The following SPATA22 variants were observed in gnomAD, a reference collection of about 807,000 sequenced individuals.
SPATA22 encodes spermatogenesis-associated protein 22.
In SPATA22, 29 loss-of-function variants were observed where a neutral mutation model predicts 47.8. The observed-to-expected ratio is 0.61, with a 90% CI of 0.45 to 0.83. The LOEUF (loss-of-function observed/expected upper bound fraction) is 0.83, where lower values mean the gene tolerates loss of function less well. SPATA22 is among the 40% of genes least tolerant of loss of function. SPATA22 has a pLI of 0.00. For missense variants in SPATA22, 410 were observed against 421.7 expected (o/e 0.97, Z 0.24); for synonymous variants, 133 against 140.9 (o/e 0.94, Z 0.40).
chr17:3,499,062 A>G (rs780003521), intron 1 of SPATA22: 8 of 1,614,050 alleles, frequency 5.0e-6, no homozygotes, highest in Non-Finnish European at 6.8e-6. Context: ...GCTCAATGCA[A>G]AAAGTATTCG....
chr17:3,467,272 C>T (rs2073336076), intron 3 of SPATA22, among the ~76,000 whole-genome samples, 154 bp downstream of exon 3: 1 of 152,068 alleles, frequency 6.6e-6, no homozygotes, highest in South Asian at 2.1e-4. Context: ...AAACTCCTGA[C>T]CTGGAATGTT....
At chr17:3,481,059 G>T (rs528094085) in intron 1 of SPATA22, among the ~76,000 whole-genome samples, 138 of 151,682 alleles carry the variant, frequency 9.1e-4, no homozygotes, top group Non-Finnish European at 1.6e-3. Context: ...GGAGTTTGAG[G>T]GTACAGTGAT....
At position 3,440,347 on chromosome 17, in the gene SPATA22, C is replaced by A; in HGVS notation, c.901-9G>T. 1.3e-6 allele frequency: 2 copies of A among 1,484,976 alleles called. No individual in the cohort carries two copies. The highest frequency in any genetic ancestry group is 1.4e-5 in the South Asian group (1 of 72,922). The allele number at this position is 1,484,976 out of a possible 1,614,324, so 92.0% of individuals were successfully genotyped here. On this transcript the variant is annotated splice_polypyrimidine_tract_variant and intron_variant, in intron 8 of 8. Transcript: ENST00000572969. ...CTCGGAAGTTCACGATCCTGTTTTT[C>A]AAAAAATAAGTATCAAAAAATAGTT...
At chr17:3,444,769 G>A (rs932572589) in intron 7 of SPATA22, among the ~76,000 whole-genome samples, 3 of 151,870 alleles carry the variant, frequency 2.0e-5, no homozygotes, top group Non-Finnish European at 4.4e-5. Context: ...TTTTCTGGGG[G>A]GTGCTTGCAA....
intron 7 of SPATA22, among the ~76,000 whole-genome samples, 182 bp downstream of exon 7, chr17:3,446,290 G>T (rs1410928591): frequency 6.6e-6 from 1 of 151,912 alleles, no homozygotes; most frequent in Non-Finnish European, 1.5e-5. Flanking sequence ...TTAGAATGTA[G>T]ACATTTTTAG....
chr17:3,496,036 T>A (rs1016585439), intron 1 of SPATA22, among the ~76,000 whole-genome samples: 1 of 152,084 alleles, frequency 6.6e-6, no homozygotes, highest in Admixed American at 6.5e-5. Context: ...ACAAAAATAA[T>A]CCCAGGCAGA....
intron 6 of SPATA22, among the ~76,000 whole-genome samples, chr17:3,448,163 T>C (rs1479639057): frequency 6.6e-6 from 1 of 152,146 alleles, no homozygotes; most frequent in African/African-American, 2.4e-5. Flanking sequence ...GGCTAGAGCA[T>C]TGGACAATTA....
chr17:3,498,976 C>G (rs1168876156), intron 1 of SPATA22: 1 of 1,614,016 alleles, frequency 6.2e-7, no homozygotes, highest in African/African-American at 1.3e-5. Flanking sequence ...GGAGACTGTA[C>G]CGTGTACCCC....
In SPATA22 at chr17:3,498,876, A is replaced by G; in HGVS notation, c.-74+14536T>C. The G allele has an allele frequency of 6.5e-7, 1 of 1,527,372 alleles. No individual in the cohort carries two copies. The highest frequency in any genetic ancestry group is 8.8e-7 in the Non-Finnish European group (1 of 1,140,028). The allele number at this position is 1,527,372 out of a possible 1,614,324, so 94.6% of individuals were successfully genotyped here. A position where few individuals can be genotyped will look rare whatever the true frequency, so the allele number is the denominator to read the frequency against. ...AACCAAATATAATATATTTATTTTG[A>G]TTGTTTCCTGAGAGGATCAAGACTG... On this transcript the variant is annotated intron_variant, in intron 1 of 8. Transcript: ENST00000541913.
intron 7 of SPATA22, among the ~76,000 whole-genome samples, chr17:3,445,024 T>C (rs911181829): frequency 6.6e-6 from 1 of 152,058 alleles, no homozygotes; most frequent in African/African-American, 2.4e-5. Flanking sequence ...CCTGAACAAC[T>C]CACCAAAGAG....
chr17:3,486,216 G>A (rs1207112434), intron 1 of SPATA22, among the ~76,000 whole-genome samples: 2 of 152,170 alleles, frequency 1.3e-5, no homozygotes, highest in East Asian at 3.9e-4. Context: ...TTACAGGCGT[G>A]AGCCACCGCA....
chr17:3,498,929 G>C (rs1223541787), intron 1 of SPATA22: 2 of 1,609,508 alleles, frequency 1.2e-6, no homozygotes, highest in Non-Finnish European at 1.7e-6. Context: ...GGGATCCCAT[G>C]TTTTTAACTC....
At chr17:3,468,850 GCAT>G (rs2073368137) in intron 2 of SPATA22, 2 of 896,282 alleles carry the variant, frequency 2.2e-6, no homozygotes, top group African/African-American at 3.6e-5. Context: ...TCTTCATTAT[GCAT>G]CATCATTCCC....
intron 5 of SPATA22, among the ~76,000 whole-genome samples, chr17:3,457,782 G>A (rs535826995): frequency 6.6e-6 from 1 of 152,214 alleles, no homozygotes; most frequent in South Asian, 2.1e-4. Flanking sequence ...CAGAATAATG[G>A]AACTGAACTC....
chr17:3,487,899 C>T (rs1319117602), intron 1 of SPATA22, among the ~76,000 whole-genome samples: 1 of 152,198 alleles, frequency 6.6e-6, no homozygotes, highest in Non-Finnish European at 1.5e-5. Context: ...TCTACAAACA[C>T]ACTTTTTCAC....
At chr17:3,471,365 A>C in intron 1 of SPATA22, 2 of 944,448 alleles carry the variant, frequency 2.1e-6, no homozygotes, top group Non-Finnish European at 2.5e-6. Context: ...AAACAACAAC[A>C]AAATTTTTAA....
At chr17:3,487,033 C>T (rs1255111229) in intron 1 of SPATA22, among the ~76,000 whole-genome samples, 1 of 150,824 alleles carries the variant, frequency 6.6e-6, no homozygotes, top group Non-Finnish European at 1.5e-5. Context: ...CAGTCGCTTT[C>T]CCATATTTGT....
At chr17:3,505,234 A>T (rs1303051043) in intron 1 of SPATA22, among the ~76,000 whole-genome samples, 1 of 152,182 alleles carries the variant, frequency 6.6e-6, no homozygotes, top group African/African-American at 2.4e-5. Flanking sequence ...ACTTACCCAA[A>T]TTGCAACCGT....
chr17:3,454,206 TA>T (rs959687667), intron 5 of SPATA22, among the ~76,000 whole-genome samples: 93 of 140,250 alleles, frequency 6.6e-4, no homozygotes, highest in Middle Eastern at 7.5e-3. Flanking sequence ...TAAAACAGAT[TA>T]AAAAAAAAAA....
Sources: allele counts gnomAD v4.1 joint callset (sites outside exome capture counted in the v4.1 genomes callset), GRCh38; gene constraint gnomAD v4.1.1; transcripts MANE v1.5; gene names NCBI Gene and HGNC (gene_info 2026-07-23, HGNC 2026-07-21).